Variants in GJE1 observed in about 807,000 individuals in gnomAD.
The protein encoded by GJE1 is gap junction protein epsilon 1.
GJE1 carries 9 observed loss-of-function variants against 6.2 expected under a neutral mutation model. The observed-to-expected ratio is 1.45, with a 90% CI of 0.87 to 2.52. The LOEUF (loss-of-function observed/expected upper bound fraction) is 2.52. Ranked by LOEUF, GJE1 falls within the 30% of genes most tolerant of loss-of-function variation. The pLI, the probability that GJE1 is intolerant of heterozygous loss-of-function variation, is 0.00. For synonymous variants in GJE1, 65 were observed against 30.1 expected (o/e 2.16, Z -3.80); for missense variants, 190 against 87.7 (o/e 2.17, Z -4.66).
chr6:142,135,012 A>G (rs1000655923), exon 3 of GJE1: 3 of 445,642 alleles, frequency 6.7e-6, no homozygotes, highest in African/African-American at 2.0e-5. Context: ...AAACAAACTT[A>G]CTTCAATGTG....
exon 3 of GJE1, chr6:142,134,605 A>G (rs918155809): frequency 2.1e-5 from 14 of 668,598 alleles, no homozygotes; most frequent in Non-Finnish European, 3.7e-5. Context: ...ATGTAAAAGC[A>G]TCAATCAAGA....
upstream of GJE1, chr6:142,133,033 T>C: frequency 2.0e-6 from 1 of 490,200 alleles, no homozygotes; most frequent in Non-Finnish European, 3.7e-6. Flanking sequence ...GAGAAATTTG[T>C]AGTGATGAGT....
chr6:142,133,890 TC>T lies in GJE1; in HGVS notation c.81del (p.Phe28LeufsTer12), dbSNP rs1156878369. On this transcript the variant is annotated frameshift_variant, in exon 2 of 3. Transcript: ENST00000450456. LOFTEE classifies it high-confidence loss of function. ...GTGATTGGTCAATTCCACACCCTTT[TC>T]TTTGGATCGATCCGAATATTCTTCC... 1 of 702,062 alleles carries T rather than the reference TC, an allele frequency of 1.4e-6. No individual in the cohort carries two copies. Among genetic ancestry groups the T allele is most frequent in the African/African-American group, 1.7e-5 (1 of 57,248 alleles). 43.5% of individuals were successfully genotyped at this position (702,062 alleles called of 1,614,324 possible).
chr6:142,133,660 C>T lies in GJE1; in HGVS notation c.40-190C>T, dbSNP rs966572969. On this transcript the variant is annotated intron_variant, in intron 1 of 2. Transcript: ENST00000450456. ...AGCCACATGTCCCTATCAACTATTGCTTTTCATATTTTAAGAGTGAGAAAT... is the reference window on the plus strand; with the variant it reads ...AGCCACATGTCCCTATCAACTATTGTTTTTCATATTTTAAGAGTGAGAAAT... Among the ~76,000 whole-genome samples, 3 of 152,198 alleles carry T rather than the reference C, an allele frequency of 2.0e-5. 1 individual carries two copies. The East Asian group carries it at 5.8e-4, about 29-fold the overall frequency.
chr6:142,135,251 T>C (rs1778231308), downstream of GJE1: 1 of 157,176 alleles, frequency 6.4e-6, no homozygotes, highest in African/African-American at 2.4e-5. Flanking sequence ...AGTGGAAAAT[T>C]GATGCTCATG....
chr6:142,132,994 C>T (rs570890988), upstream of GJE1: 8 of 437,006 alleles, frequency 1.8e-5, no homozygotes, highest in African/African-American at 1.2e-4. Flanking sequence ...AATGGGGCCC[C>T]AGAGATCTAA....
At chr6:142,132,925 T>G (rs945204516), upstream of GJE1, among the ~76,000 whole-genome samples, 1 of 152,166 alleles carries the variant, frequency 6.6e-6, no homozygotes, top group East Asian at 1.9e-4. Flanking sequence ...ATTGGCCACA[T>G]GCTCTCTGCT....
rs1206247485 is a variant in GJE1, at chr6:142,134,912, TCAGA to T, written c.611_614del (p.Arg204AsnfsTer45). 1.8e-6 allele frequency: 1 copy of T among 565,906 alleles called. No individual in the cohort carries two copies. The highest frequency in any genetic ancestry group is 1.9e-5 in the African/African-American group (1 of 52,610). 35.1% of individuals were successfully genotyped at this position (565,906 alleles called of 1,614,324 possible). On this transcript the variant is annotated frameshift_variant, in exon 3 of 3. Transcript: ENST00000450456. LOFTEE classifies it high-confidence loss of function. ...ATATTTAGAAGATTATACTTTCCAT[TCAGA>T]CAATGACCAAATAATTACCTATTGT...
At chr6:142,133,338 T>G (rs1778179526) in intron 1 of GJE1, 141 bp downstream of exon 1, 4 of 410,740 alleles carry the variant, frequency 9.7e-6, no homozygotes, top group Non-Finnish European at 1.7e-5. Flanking sequence ...CAAAATATTC[T>G]GAATTTAAAA....
At chr6:142,133,510 A>AT (rs776830619) in intron 1 of GJE1, among the ~76,000 whole-genome samples, 27 of 152,234 alleles carry the variant, frequency 1.8e-4, no homozygotes, top group Admixed American at 1.2e-3. Flanking sequence ...TTACTACTGG[A>AT]TTTTTTATCT....
chr6:142,135,125 A>G, exon 3 of GJE1: 1 of 291,244 alleles, frequency 3.4e-6, no homozygotes, highest in Non-Finnish European at 6.3e-6. Flanking sequence ...TAGAAAATAT[A>G]CACAGAACTA....
exon 3 of GJE1, chr6:142,134,698 T>C: frequency 1.4e-6 from 1 of 695,298 alleles, no homozygotes; most frequent in Non-Finnish European, 2.6e-6. Flanking sequence ...AATAGCATTC[T>C]GGCTTCAGAT....
At chr6:142,134,849 T>C (rs1489324932) in exon 3 of GJE1, 3 of 647,052 alleles carry the variant, frequency 4.6e-6, no homozygotes, top group Non-Finnish European at 8.2e-6. Context: ...TTTACAACAA[T>C]TACAATTTTA....
At chr6:142,135,020 G>A in exon 3 of GJE1, 1 of 446,002 alleles carries the variant, frequency 2.2e-6, no homozygotes. Flanking sequence ...TTACTTCAAT[G>A]TGTCTGAAAT....
chr6:142,134,654 T>C, exon 3 of GJE1: 1 of 695,894 alleles, frequency 1.4e-6, no homozygotes, highest in African/African-American at 1.8e-5. Context: ...ATAATTTATA[T>C]ACTCTCTGTT....
At chr6:142,135,016 C>G (rs1582864159) in exon 3 of GJE1, 1 of 443,900 alleles carries the variant, frequency 2.3e-6, no homozygotes, top group East Asian at 3.4e-5. Context: ...AAACTTACTT[C>G]AATGTGTCTG....
upstream of GJE1, chr6:142,133,020 G>T: frequency 2.1e-6 from 1 of 482,164 alleles, no homozygotes; most frequent in Non-Finnish European, 3.7e-6. Flanking sequence ...AAGGAGGAGG[G>T]GAGAGAAATT....
chr6:142,133,324 A>G (rs1778179413), intron 1 of GJE1, 127 bp downstream of exon 1: 4 of 415,008 alleles, frequency 9.6e-6, no homozygotes, highest in South Asian at 1.8e-4. Context: ...TCAACCATAT[A>G]CTTCAAAATA....
exon 3 of GJE1, chr6:142,134,928 T>C (rs1778223691): frequency 1.8e-6 from 1 of 549,822 alleles, no homozygotes. Context: ...AATGACCAAA[T>C]AATTACCTAT....
Sources: allele counts gnomAD v4.1 joint callset (sites outside exome capture counted in the v4.1 genomes callset), GRCh38; gene constraint gnomAD v4.1.1; transcripts MANE v1.5; gene names NCBI Gene and HGNC (gene_info 2026-07-23, HGNC 2026-07-21).